The following DLG5 variants were observed in gnomAD, a reference collection of about 807,000 sequenced individuals.
The protein encoded by DLG5 is discs large MAGUK scaffold protein 5, also known as disks large homolog 5.
In DLG5, 48 loss-of-function variants were observed where a neutral mutation model predicts 189.8. The observed-to-expected ratio is 0.25, with a 90% CI of 0.20 to 0.32. The LOEUF is 0.32. Among genes scored for constraint, DLG5 ranks in the 10% least tolerant of loss-of-function variants. The pLI, the probability that DLG5 is intolerant of heterozygous loss-of-function variation, is 1.00. For missense variants in DLG5, 2,160 were observed against 2,544.7 expected, an observed-to-expected ratio of 0.85 and a Z score of 3.25; for synonymous variants, 1,016 against 1,054.1, an observed-to-expected ratio of 0.96 and a Z score of 0.70.
At chr10:77,811,072 G>A (rs1328792174) in intron 23 of DLG5, 22 bp downstream of exon 23, 15 of 1,607,652 alleles carry the variant, frequency 9.3e-6, no homozygotes, top group Non-Finnish European at 1.3e-5. Context: ...CACAGGGAAG[G>A]CTCACAGCAA....
chr10:77,871,686 G>T (rs1381949167), intron 1 of DLG5, among the ~76,000 whole-genome samples: 3 of 151,682 alleles, frequency 2.0e-5, no homozygotes, highest in Non-Finnish European at 2.9e-5. Context: ...GGGATTACAG[G>T]TGCCCACCAC....
intron 1 of DLG5, among the ~76,000 whole-genome samples, chr10:77,917,483 C>T (rs1264054628): frequency 6.7e-6 from 1 of 148,848 alleles, no homozygotes; most frequent in Admixed American, 6.8e-5. Flanking sequence ...CACCGCACTC[C>T]ATGCATTCCA....
chr10:77,865,812 C>A (rs912153875), intron 2 of DLG5, among the ~76,000 whole-genome samples: 6 of 152,080 alleles, frequency 3.9e-5, no homozygotes, highest in African/African-American at 1.4e-4. Context: ...AGACCTGCTG[C>A]CTTTAAGGCT....
intron 27 of DLG5, among the ~76,000 whole-genome samples, chr10:77,800,242 C>T (rs1341177250): frequency 6.6e-6 from 1 of 152,214 alleles, no homozygotes; most frequent in African/African-American, 2.4e-5. Flanking sequence ...CAGCTTGCAG[C>T]ATCCCTTGGA....
intron 1 of DLG5, among the ~76,000 whole-genome samples, chr10:77,903,168 C>T (rs1413433096): frequency 6.6e-6 from 1 of 152,202 alleles, no homozygotes; most frequent in African/African-American, 2.4e-5. Context: ...CGGCTCACGC[C>T]TGTAATCCCA....
chr10:77,930,260 C>T (rs1452049193), upstream of DLG5, among the ~76,000 whole-genome samples: 1 of 152,140 alleles, frequency 6.6e-6, no homozygotes, highest in Non-Finnish European at 1.5e-5. Flanking sequence ...TTGGGACCTC[C>T]ACATCTCATA....
Position 77,792,048 on chromosome 10 carries a change from A to C in DLG5, c.*392T>G. The C allele has an allele frequency of 5.0e-6, 1 of 198,522 alleles. No homozygotes were observed. Among genetic ancestry groups the C allele is most frequent in the Non-Finnish European group, 1.0e-5 (1 of 97,156 alleles). The allele number at this position is 198,522 out of a possible 1,614,324, so 12.3% of individuals were successfully genotyped here. A position where few individuals can be genotyped will look rare whatever the true frequency, so the allele number is the denominator to read the frequency against. On this transcript the variant is annotated 3_prime_UTR_variant, in exon 32 of 32. Transcript: ENST00000372391. ...AAGCGACAGGGGGTTGACAGAGGGG[A>C]CAGGGGCTGGGCACCGGCAACATGG...
chr10:77,934,029 C>CA, the DLG5 span, among the ~76,000 whole-genome samples: 1 of 148,930 alleles, frequency 6.7e-6, no homozygotes, highest in East Asian at 2.0e-4. Context: ...GCCTGGGTGA[C>CA]AGAGTGAGAC....
chr10:77,805,934 G>A, intron 26 of DLG5, 73 bp from the exon 27 acceptor site: 2 of 1,461,792 alleles, frequency 1.4e-6, no homozygotes, highest in Non-Finnish European at 1.9e-6. Flanking sequence ...CCTTCCTGGT[G>A]AGAAAAGCAA....
chr10:77,925,829 T>A (rs1015901155), intron 1 of DLG5, among the ~76,000 whole-genome samples: 4 of 151,980 alleles, frequency 2.6e-5, no homozygotes, highest in Non-Finnish European at 5.9e-5. Flanking sequence ...CCAAGTCCCA[T>A]TCTTCTGGAC....
At chr10:77,876,537 G>A (rs574620351) in intron 1 of DLG5, among the ~76,000 whole-genome samples, 15 of 151,878 alleles carry the variant, frequency 9.9e-5, no homozygotes, top group African/African-American at 3.6e-4. Flanking sequence ...ACCATGCCTG[G>A]CTATTTTGTA....
At chr10:77,883,232 C>T (rs1181047768) in intron 1 of DLG5, among the ~76,000 whole-genome samples, 2 of 152,128 alleles carry the variant, frequency 1.3e-5, no homozygotes, top group Admixed American at 6.5e-5. Context: ...AAGAGCTGCC[C>T]TTAACTACTG....
intron 9 of DLG5, among the ~76,000 whole-genome samples, chr10:77,833,141 C>G (rs192530392): frequency 2.0e-5 from 3 of 152,118 alleles, no homozygotes; most frequent in Non-Finnish European, 4.4e-5. Flanking sequence ...TTTTAGACCA[C>G]GGCCTATTGG....
intron 8 of DLG5, among the ~76,000 whole-genome samples, chr10:77,835,270 C>A (rs986934956): frequency 1.3e-5 from 2 of 152,062 alleles, no homozygotes; most frequent in African/African-American, 4.8e-5. Context: ...CCCCAGGGAG[C>A]CCTGCATGCC....
At chr10:77,876,075 T>C (rs1171011165) in intron 1 of DLG5, among the ~76,000 whole-genome samples, 4 of 151,990 alleles carry the variant, frequency 2.6e-5, no homozygotes, top group African/African-American at 7.3e-5. Flanking sequence ...ATCCTACTCT[T>C]GGTTTGTAAG....
At position 77,792,289 on chromosome 10, in the gene DLG5, T is replaced by C; in HGVS notation, c.*151A>G. On this transcript the variant is annotated 3_prime_UTR_variant, in exon 32 of 32. Transcript: ENST00000372391. The stretch of plus-strand genomic sequence containing the variant: ...GATCGCACGCAGCCGTGGCCCTCTG[T>C]CTACAAAGGAGGTGCTTCTGGGTCC... The C allele has an allele frequency of 1.6e-5, 12 of 750,202 alleles. No individual in the cohort carries two copies. The highest frequency in any genetic ancestry group is 2.7e-5 in the Non-Finnish European group (12 of 442,274). 46.5% of individuals were successfully genotyped at this position (750,202 alleles called of 1,614,324 possible). A position where few individuals can be genotyped will look rare whatever the true frequency, so the allele number is the denominator to read the frequency against.
At chr10:77,816,813 A>G in intron 19 of DLG5, 112 bp from the exon 20 acceptor site, 3 of 1,460,146 alleles carry the variant, frequency 2.1e-6, no homozygotes, top group Non-Finnish European at 2.8e-6. Flanking sequence ...ACTGCATCGC[A>G]TAGTCTGGAG....
the DLG5 span, among the ~76,000 whole-genome samples, chr10:77,937,084 A>T: frequency 6.7e-6 from 1 of 149,314 alleles, no homozygotes; most frequent in South Asian, 2.2e-4. Flanking sequence ...ACAACATACC[A>T]CTCCCTCAAT....
chr10:77,887,557 TAA>T (rs1845475618), intron 1 of DLG5, among the ~76,000 whole-genome samples: 1 of 152,186 alleles, frequency 6.6e-6, no homozygotes, highest in African/African-American at 2.4e-5. Context: ...CTAACACGGT[TAA>T]GAGTTTCTAT....
Sources: allele counts gnomAD v4.1 joint callset (sites outside exome capture counted in the v4.1 genomes callset), GRCh38; gene constraint gnomAD v4.1.1; transcripts MANE v1.5; gene names NCBI Gene and HGNC (gene_info 2026-07-23, HGNC 2026-07-21).